Variants in CELF3 observed in about 807,000 individuals in gnomAD.
CELF3 encodes the protein CUGBP Elav-like family member 3.
A neutral mutation model predicts 59.6 loss-of-function variants in CELF3; 26 were observed. The ratio of observed to expected loss-of-function variants is 0.44; its 90% confidence interval spans 0.32 to 0.61. The LOEUF (loss-of-function observed/expected upper bound fraction) is 0.61. Among genes scored for constraint, CELF3 ranks in the 20% least tolerant of loss-of-function variants. CELF3 has a pLI of 0.06. For missense variants in CELF3, 387 were observed against 627.2 expected (o/e 0.62, Z 4.09); for synonymous variants, 245 against 250.7 (o/e 0.98, Z 0.22).
intron 2 of CELF3, chr1:151,714,317 C>T: frequency 1.7e-6 from 1 of 599,984 alleles, no homozygotes; most frequent in Non-Finnish European, 3.0e-6. Context: ...AGTCCTCCCT[C>T]TAGTGTTGCC....
chr1:151,711,187 A>G (rs1222239544), intron 2 of CELF3: 3 of 239,306 alleles, frequency 1.3e-5, no homozygotes, highest in Non-Finnish European at 2.5e-5. Flanking sequence ...TTATCTGTAA[A>G]ACAAGGGGGT....
rs1403922230 is a variant in CELF3, at chr1:151,709,756, G to C, written c.264C>G (p.Ser88Arg). The C allele has an allele frequency of 6.2e-7, 1 of 1,614,120 alleles. No homozygotes were observed. Residue 88 changes from serine to arginine, a missense_variant, in exon 3 of 13, where the codon AGC (serine) becomes AGG (arginine). Coordinates refer to ENST00000290583, the MANE Select transcript of CELF3 (RefSeq NM_007185.7). The surrounding 1 kb of genome is among the most constrained non-coding windows in gnomAD (Gnocchi z 4.9). ...CACAGAACCTACCTCCTCGGCTCTC[G>C]CTGTCGGCTGGCTTGACCTGGATCG... ...NRPIQVKPAD[S>R]ESRGEDRKLF...
chr1:151,715,645 C>CA (rs1431202918), intron 1 of CELF3: 3 of 1,498,966 alleles, frequency 2.0e-6, no homozygotes, highest in Non-Finnish European at 2.7e-6. Flanking sequence ...CACATCTTTG[C>CA]AGCCGTCTTG....
chr1:151,716,669 G>GCCCCCCCCCCCC lies in CELF3; in HGVS notation c.-650_-649insGGGGGGGGGGGG. On this transcript the variant is annotated 5_prime_UTR_variant, in exon 1 of 13. Transcript: ENST00000290583. ...CGCCCCCCTTCAGGTCCTCCCCTCA[G>GCCCCCCCCCCCC]CCCCCCTCCCACCCCCACCCCAGTC... The GCCCCCCCCCCCC allele has an allele frequency of 8.6e-6, 1 of 116,324 alleles. No homozygotes were observed. Among genetic ancestry groups the GCCCCCCCCCCCC allele is most frequent in the Admixed American group, 1.2e-4 (1 of 8,628 alleles). The allele number at this position is 116,324 out of a possible 1,614,324, so 7.2% of individuals were successfully genotyped here. A position where few individuals can be genotyped will look rare whatever the true frequency, so the allele number is the denominator to read the frequency against.
rs547001955 is a variant in CELF3 at position 151,708,116 on chromosome 1, T to A, written c.487-181A>T. The A allele has an allele frequency of 4.9e-6, 3 of 609,826 alleles. No homozygotes were observed. In the South Asian group the frequency reaches 7.8e-5, roughly 16 times the overall value. 37.8% of individuals were successfully genotyped at this position (609,826 alleles called of 1,614,324 possible). A position where few individuals can be genotyped will look rare whatever the true frequency, so the allele number is the denominator to read the frequency against. On this transcript the variant is annotated intron_variant, in intron 5 of 12. Coordinates refer to ENST00000290583, the MANE Select transcript of CELF3 (RefSeq NM_007185.7). ...ATCCCACTCTCTCCCTATGCTAGGA[T>A]GTGCAAGAGGCTAGAAGAAAAAATG...
At position 151,709,141 on chromosome 1, in the gene CELF3, A is replaced by C; in HGVS notation, c.407-64T>G. On this transcript the variant is annotated intron_variant, in intron 4 of 12. Coordinates refer to ENST00000290583, the MANE Select transcript of CELF3 (RefSeq NM_007185.7). The surrounding 1 kb of genome is among the most constrained non-coding windows in gnomAD (Gnocchi z 4.9). ...CCATCCCTGCGGGACCCCGCGGTGG[A>C]ACCCGATGCCTAGGGAGTCTTGGGG... is the stretch of plus-strand genomic sequence containing the variant. 6.2e-7 allele frequency: 1 copy of C among 1,606,124 alleles called. No homozygotes were observed. Among genetic ancestry groups the C allele is most frequent in the Non-Finnish European group, 8.5e-7 (1 of 1,173,756 alleles).
At chr1:151,713,850 T>C (rs1673233197) in intron 2 of CELF3, among the ~76,000 whole-genome samples, 1 of 152,222 alleles carries the variant, frequency 6.6e-6, no homozygotes, top group African/African-American at 2.4e-5. Context: ...ATGGAAGGGC[T>C]TGGGACAATC....
rs1207471241 is a variant in CELF3, at chr1:151,709,206, A to C, written c.406+14T>G. 1 of 1,612,694 alleles carries C rather than the reference A, an allele frequency of 6.2e-7. No homozygotes were observed. Among genetic ancestry groups the C allele is most frequent in the South Asian group, 1.1e-5 (1 of 91,066 alleles). ...GGAAGGGCCCGGTGGGGAAGGGGGAAGTGGGTGGACTACCTTTGCTGGTGC... is the reference window on the plus strand; with the variant it reads ...GGAAGGGCCCGGTGGGGAAGGGGGACGTGGGTGGACTACCTTTGCTGGTGC... On this transcript the variant is annotated intron_variant, in intron 4 of 12. Transcript: ENST00000290583. This position sits in a 1 kb window ranked among gnomAD's most constrained non-coding sequence, Gnocchi z 4.9.
At chr1:151,703,809 G>A (rs2102766828) in intron 12 of CELF3, among the ~76,000 whole-genome samples, 1 of 152,270 alleles carries the variant, frequency 6.6e-6, no homozygotes, top group East Asian at 1.9e-4. Flanking sequence ...GCGTGTAAGA[G>A]ACAGACACCT....
In CELF3 at chr1:151,701,568, C is replaced by G. The variant is rs1475417424; in HGVS notation, c.*1891G>C. ...CAGCCATGCCTTACTGGCTTTGTGA[C>G]TCCAGGGAAGTTAGTTAACCTTCCA... is the stretch of plus-strand genomic sequence containing the variant. On this transcript the variant is annotated 3_prime_UTR_variant, in exon 13 of 13. Coordinates refer to ENST00000290583, the MANE Select transcript of CELF3 (RefSeq NM_007185.7). Among the ~76,000 whole-genome samples the G allele has an allele frequency of 6.6e-6, 1 of 152,152 alleles. No homozygotes were observed. The highest frequency in any genetic ancestry group is 1.5e-5 in the Non-Finnish European group (1 of 68,016).
At chr1:151,714,362 A>C in intron 2 of CELF3, 1 of 619,056 alleles carries the variant, frequency 1.6e-6, no homozygotes. Context: ...AAGGGGCTGC[A>C]TCTGCTCCTG....
chr1:151,707,770 C>T (rs200578043), intron 6 of CELF3, 22 bp downstream of exon 6: 61 of 1,606,730 alleles, frequency 3.8e-5, no homozygotes, highest in East Asian at 2.5e-4. Flanking sequence ...AGGGCTGGCC[C>T]GGCATCAGGG....
intron 12 of CELF3, 61 bp from the exon 13 acceptor site, chr1:151,703,509 T>G: frequency 3.4e-6 from 1 of 295,966 alleles, no homozygotes; most frequent in Non-Finnish European, 6.9e-6. Flanking sequence ...GATCACGGGC[T>G]CTGGGGGAGG....
chr1:151,702,541 C>T lies in CELF3; in HGVS notation c.*918G>A, dbSNP rs1672156394. On this transcript the variant is annotated 3_prime_UTR_variant, in exon 13 of 13. Transcript: ENST00000290583. ...TCCCCTTACCACCCCCACCCCCACC[C>T]CATTTTCTTTTCCCTAAAACCTCTT... 1 of 150,720 alleles carries T rather than the reference C, an allele frequency of 6.6e-6. No individual in the cohort carries two copies. Among genetic ancestry groups the T allele is most frequent in the African/African-American group, 2.5e-5 (1 of 40,788 alleles). The allele number at this position is 150,720 out of a possible 1,614,324, so 9.3% of individuals were successfully genotyped here.
chr1:151,705,486 T>C lies in CELF3; in HGVS notation c.1271-318A>G, dbSNP rs545382456. On this transcript the variant is annotated intron_variant, in intron 11 of 12. Coordinates refer to ENST00000290583, the MANE Select transcript of CELF3 (RefSeq NM_007185.7). This position sits in a 1 kb window ranked among gnomAD's most constrained non-coding sequence, Gnocchi z 5.1. Reference sequence around the variant, plus strand: ...CTGAAGCAGAGAAGAACATTCCCTTTCTCCCCTGAGGAAGACTTTCAAAGA... The same window carrying C: ...CTGAAGCAGAGAAGAACATTCCCTTCCTCCCCTGAGGAAGACTTTCAAAGA... Among the ~76,000 whole-genome samples the C allele has an allele frequency of 3.3e-5, 5 of 152,150 alleles. No individual in the cohort carries two copies. In the East Asian group the frequency reaches 9.7e-4, roughly 29 times the overall value.
intron 1 of CELF3, 33 bp from the exon 2 acceptor site, chr1:151,714,709 G>A (rs1294905715): frequency 7.6e-6 from 11 of 1,451,442 alleles, no homozygotes; most frequent in Non-Finnish European, 9.5e-6. Flanking sequence ...AAACACGGCG[G>A]GGGGTGAGTC....
rs1439274061 is a variant in CELF3, at chr1:151,701,202, G to A, written c.*2257C>T. On this transcript the variant is annotated 3_prime_UTR_variant, in exon 13 of 13. Transcript: ENST00000290583. ...TAGGGCTTTGCAGTTGGATTGGGGAGGAGACATGAGAGAAAGGGTGTAATC... is the reference window on the plus strand; with the variant it reads ...TAGGGCTTTGCAGTTGGATTGGGGAAGAGACATGAGAGAAAGGGTGTAATC... 1 of 152,226 alleles carries A rather than the reference G, an allele frequency of 6.6e-6. No homozygotes were observed. Among genetic ancestry groups the A allele is most frequent in the East Asian group, 1.9e-4 (1 of 5,192 alleles). The allele number at this position is 152,226 out of a possible 1,614,324, so 9.4% of individuals were successfully genotyped here.
chr1:151,711,059 C>CA lies in CELF3; in HGVS notation c.229-1269dup. 1.7e-5 allele frequency: 6 copies of CA among 355,976 alleles called. 1 individual carries two copies. Among genetic ancestry groups the CA allele is most frequent in the South Asian group, 1.3e-4 (6 of 46,820 alleles). The allele number at this position is 355,976 out of a possible 1,614,324, so 22.1% of individuals were successfully genotyped here. On this transcript the variant is annotated intron_variant, in intron 2 of 12. Transcript: ENST00000290583. ...CTGAGGGTGAGGCTAGAGGTACCCT[C>CA]AGGAAAGGTACTGGACTGGGAGTCA...
chr1:151,714,029 ACCTGCCCAGG>A (rs942149089), intron 2 of CELF3, among the ~76,000 whole-genome samples: 2 of 151,966 alleles, frequency 1.3e-5, no homozygotes, highest in African/African-American at 2.4e-5. Context: ...TCCAGCCCAG[ACCTGCCCAGG>A]CCTGCCCAGG....
Sources: gnomAD v4.1 joint callset for allele counts (sites outside exome capture counted in the v4.1 genomes callset) on GRCh38, gnomAD v4.1.1 for gene constraint, Gnocchi (gnomAD v3.1) non-coding constraint, MANE v1.5 for transcripts, NCBI Gene and HGNC (gene_info 2026-07-23, HGNC 2026-07-21) for gene names.